Variants in STPG2 observed in about 807,000 individuals in gnomAD.
STPG2 encodes the protein sperm tail PG-rich repeat containing 2, also known as sperm-tail PG-rich repeat-containing protein 2.
Under a neutral mutation model 54.2 loss-of-function variants are expected in STPG2, and 56 were observed. The observed-to-expected ratio is 1.03, with a 90% CI of 0.83 to 1.29. The LOEUF (loss-of-function observed/expected upper bound fraction) is 1.29, where lower values mean the gene tolerates loss of function less well. Among genes scored for constraint, STPG2 ranks in the 50% most tolerant of loss-of-function variants. The probability of loss-of-function intolerance (pLI) is 0.00; values close to 1 mark genes in which losing one functional copy is unlikely to be tolerated. For missense variants in STPG2, 596 were observed against 544.9 expected (o/e 1.09, Z -0.93); for synonymous variants, 200 against 181.8 (o/e 1.10, Z -0.81).
At chr4:97,470,474 T>C (rs1578323879) in intron 4 of STPG2, among the ~76,000 whole-genome samples, 1 of 152,240 alleles carries the variant, frequency 6.6e-6, no homozygotes, top group Middle Eastern at 3.4e-3. Context: ...TAATATATAG[T>C]AGTCCCCCTT....
chr4:97,444,216 T>C (rs1210830804), intron 4 of STPG2, among the ~76,000 whole-genome samples: 1 of 151,906 alleles, frequency 6.6e-6, no homozygotes, highest in Non-Finnish European at 1.5e-5. Context: ...AAGAGAGAAA[T>C]GTTAAAGAAG....
chr4:97,998,092 A>C (rs1217159244), intron 5 of STPG2, among the ~76,000 whole-genome samples: 1 of 152,246 alleles, frequency 6.6e-6, no homozygotes, highest in African/African-American at 2.4e-5. Context: ...AATAATAATT[A>C]GAACAATAAT....
At chr4:97,621,130 G>A (rs1028440556) in intron 10 of STPG2, among the ~76,000 whole-genome samples, 2 of 151,958 alleles carry the variant, frequency 1.3e-5, no homozygotes, top group Admixed American at 6.6e-5. Flanking sequence ...TCTGGGACAC[G>A]CTAAGGCAAT....
rs1266840252 is a variant in STPG2 at position 97,943,845 on chromosome 4, T to A, written c.1044+52A>T. On this transcript the variant is annotated intron_variant, in intron 8 of 10. Transcript: ENST00000295268. The stretch of plus-strand genomic sequence containing the variant: ...AATATAATGTTTATGTTATGCAGCC[T>A]CCTCCATGATTTCTAGATAATGAAA... 1.6e-5 allele frequency: 22 copies of A among 1,351,422 alleles called. No homozygotes were observed. The East Asian group carries it at 5.6e-4, about 34-fold the overall frequency. 83.7% of individuals were successfully genotyped at this position (1,351,422 alleles called of 1,614,324 possible). A position where few individuals can be genotyped will look rare whatever the true frequency, so the allele number is the denominator to read the frequency against.
chr4:98,038,221 G>A (rs546094681), intron 5 of STPG2, among the ~76,000 whole-genome samples: 8 of 151,820 alleles, frequency 5.3e-5, no homozygotes, highest in African/African-American at 1.7e-4. Context: ...AATTAATAAC[G>A]GAAGATCATA....
chr4:97,585,101 C>CA (rs60854805), intron 10 of STPG2, among the ~76,000 whole-genome samples: 11,389 of 46,290 alleles, frequency 0.25, 2,825 homozygotes, highest in Middle Eastern at 0.29. Context: ...AAAATATTCT[C>CA]AAAAAAAAAA....
chr4:97,753,811 G>C (rs1019733415), intron 9 of STPG2, among the ~76,000 whole-genome samples: 2 of 151,966 alleles, frequency 1.3e-5, no homozygotes, highest in African/African-American at 2.4e-5. Context: ...TATCTACTTT[G>C]AAGAAATATC....
intron 7 of STPG2, among the ~76,000 whole-genome samples, chr4:97,957,344 C>A (rs562637782): frequency 6.6e-6 from 1 of 151,178 alleles, no homozygotes; most frequent in Non-Finnish European, 1.5e-5. Context: ...AGCTTGAAGA[C>A]AATGTTTTTT....
chr4:97,546,757 A>G (rs904904846), intron 4 of STPG2, among the ~76,000 whole-genome samples: 3 of 152,226 alleles, frequency 2.0e-5, no homozygotes, highest in African/African-American at 7.2e-5. Context: ...AAATCAAGAT[A>G]TGATAATCAC....
chr4:97,733,857 C>T (rs1384337599), intron 9 of STPG2, among the ~76,000 whole-genome samples: 1 of 152,074 alleles, frequency 6.6e-6, no homozygotes, highest in Non-Finnish European at 1.5e-5. Flanking sequence ...ACGGTTTACT[C>T]GATATTTTGG....
intron 5 of STPG2, among the ~76,000 whole-genome samples, chr4:98,065,511 C>T (rs1001642676): frequency 3.9e-5 from 6 of 152,176 alleles, no homozygotes; most frequent in East Asian, 1.9e-4. Flanking sequence ...AGCCCAGAAA[C>T]TGATCCTAAT....
chr4:97,717,993 G>A (rs1003265049), intron 9 of STPG2, among the ~76,000 whole-genome samples: 1 of 151,966 alleles, frequency 6.6e-6, no homozygotes, highest in African/African-American at 2.4e-5. Context: ...AAGGTTTGGA[G>A]CCATATTACC....
intron 10 of STPG2, among the ~76,000 whole-genome samples, chr4:97,602,490 T>C (rs1446841751): frequency 6.6e-6 from 1 of 151,804 alleles, no homozygotes; most frequent in Non-Finnish European, 1.5e-5. Context: ...CGCATCTTTT[T>C]CTCTTTCTTG....
At chr4:97,444,768 A>G (rs1047599655) in intron 4 of STPG2, among the ~76,000 whole-genome samples, 3 of 152,136 alleles carry the variant, frequency 2.0e-5, no homozygotes, top group African/African-American at 7.2e-5. Context: ...AGTGGCTCAC[A>G]CCTGTAATCC....
intron 9 of STPG2, among the ~76,000 whole-genome samples, chr4:97,814,099 T>C (rs1044616730): frequency 1.3e-5 from 2 of 152,144 alleles, no homozygotes; most frequent in African/African-American, 2.4e-5. Context: ...TGGGATCTGA[T>C]AGTTCCTCCA....
chr4:98,031,232 A>C (rs1041747733), intron 5 of STPG2, among the ~76,000 whole-genome samples: 12 of 152,200 alleles, frequency 7.9e-5, no homozygotes, highest in African/African-American at 2.4e-5. Flanking sequence ...CCAATCTCTA[A>C]CTTTATATAA....
chr4:97,978,470 G>A (rs1273915911), intron 6 of STPG2, among the ~76,000 whole-genome samples: 2 of 152,070 alleles, frequency 1.3e-5, no homozygotes, highest in African/African-American at 4.8e-5. Context: ...GAGAACAAAT[G>A]GACACATAGA....
intron 10 of STPG2, among the ~76,000 whole-genome samples, chr4:97,652,744 A>G (rs1013396164): frequency 3.3e-5 from 5 of 152,022 alleles, no homozygotes; most frequent in African/African-American, 1.2e-4. Flanking sequence ...GGTATAGACA[A>G]TAAGTGAAGT....
intron 10 of STPG2, among the ~76,000 whole-genome samples, chr4:97,586,935 A>T (rs1040952519): frequency 6.6e-6 from 1 of 151,914 alleles, no homozygotes; most frequent in African/African-American, 2.4e-5. Flanking sequence ...CCTTTTTCTC[A>T]TGAGTTTTAT....
Sources: gnomAD v4.1 joint callset for allele counts (sites outside exome capture counted in the v4.1 genomes callset) on GRCh38, gnomAD v4.1.1 for gene constraint, MANE v1.5 for transcripts, NCBI Gene and HGNC (gene_info 2026-07-23, HGNC 2026-07-21) for gene names.